Variants in GPC5 observed in about 807,000 individuals in gnomAD.
The protein encoded by GPC5 is glypican 5, also known as glypican-5.
A neutral mutation model predicts 53.9 loss-of-function variants in GPC5; 47 were observed. The ratio of observed to expected loss-of-function variants is 0.87; its 90% confidence interval spans 0.69 to 1.11. The LOEUF (loss-of-function observed/expected upper bound fraction) is 1.11, where lower values mean the gene tolerates loss of function less well. Ranked by LOEUF, GPC5 falls within the 50% of genes most tolerant of loss-of-function variation. GPC5 has a pLI of 0.00. For missense variants in GPC5, 748 were observed against 713.1 expected (o/e 1.05, Z -0.56); for synonymous variants, 286 against 263.3 (o/e 1.09, Z -0.84).
At chr13:91,411,997 T>C (rs961819081) in intron 1 of GPC5, among the ~76,000 whole-genome samples, 5 of 152,362 alleles carry the variant, frequency 3.3e-5, no homozygotes, top group African/African-American at 1.2e-4. Context: ...TTCTGTTAAA[T>C]GTTCCTTTCC....
At chr13:91,992,915 A>C (rs140254705) in intron 6 of GPC5, among the ~76,000 whole-genome samples, 53 of 152,334 alleles carry the variant, frequency 3.5e-4, no homozygotes, top group Admixed American at 1.6e-3. Flanking sequence ...TCACATGAAA[A>C]GGAAAAGTTA....
chr13:92,205,794 C>G (rs2042329646), intron 7 of GPC5, among the ~76,000 whole-genome samples: 1 of 152,110 alleles, frequency 6.6e-6, no homozygotes, highest in South Asian at 2.1e-4. Context: ...CGCCTGTAAT[C>G]CTAGCACTTT....
At chr13:92,012,398 C>G (rs959828149) in intron 6 of GPC5, among the ~76,000 whole-genome samples, 4 of 152,074 alleles carry the variant, frequency 2.6e-5, no homozygotes, top group Admixed American at 1.3e-4. Flanking sequence ...TTACTTTTAA[C>G]TTAATTGTTT....
chr13:92,704,658 AAGG>A (rs1887880033), intron 7 of GPC5, among the ~76,000 whole-genome samples: 1 of 151,932 alleles, frequency 6.6e-6, no homozygotes, highest in African/African-American at 2.4e-5. Context: ...TTTAAGAAAA[AAGG>A]AGGAAATCCA....
chr13:92,565,241 G>A (rs529688406), intron 7 of GPC5, among the ~76,000 whole-genome samples: 80 of 152,120 alleles, frequency 5.3e-4, no homozygotes, highest in African/African-American at 1.9e-3. Context: ...TTTCCAAAAT[G>A]GGTTATATAT....
At chr13:92,393,608 C>T (rs899696940) in intron 7 of GPC5, among the ~76,000 whole-genome samples, 2 of 152,142 alleles carry the variant, frequency 1.3e-5, no homozygotes, top group East Asian at 1.9e-4. Context: ...GAGATCGCAC[C>T]ATTGCACTGC....
At chr13:91,856,170 A>G (rs1432637177) in intron 5 of GPC5, among the ~76,000 whole-genome samples, 1 of 151,428 alleles carries the variant, frequency 6.6e-6, no homozygotes, top group Admixed American at 6.6e-5. Context: ...CATTGTTTTC[A>G]TTGCTAAGTA....
chr13:92,123,984 C>G (rs2138949938), intron 6 of GPC5, among the ~76,000 whole-genome samples: 1 of 152,072 alleles, frequency 6.6e-6, no homozygotes, highest in Non-Finnish European at 1.5e-5. Context: ...GAAAAGTCCT[C>G]AAAATTTAGG....
At chr13:92,001,466 T>C (rs1423520111) in intron 6 of GPC5, among the ~76,000 whole-genome samples, 1 of 152,200 alleles carries the variant, frequency 6.6e-6, no homozygotes, top group East Asian at 1.9e-4. Context: ...ACTATTGTTC[T>C]TACTTTTCCA....
chr13:92,170,960 A>T (rs1253272122), intron 7 of GPC5, among the ~76,000 whole-genome samples: 1 of 152,200 alleles, frequency 6.6e-6, no homozygotes, highest in Non-Finnish European at 1.5e-5. Flanking sequence ...TTTTAAGATT[A>T]TGGGACTTAA....
At chr13:91,945,620 C>G (rs1246433694) in intron 6 of GPC5, among the ~76,000 whole-genome samples, 1 of 152,162 alleles carries the variant, frequency 6.6e-6, no homozygotes, top group Non-Finnish European at 1.5e-5. Context: ...GCAGGACTTT[C>G]CTCTAGGACG....
intron 7 of GPC5, among the ~76,000 whole-genome samples, chr13:92,485,787 C>T (rs1879531505): frequency 6.6e-6 from 1 of 152,092 alleles, no homozygotes; most frequent in Non-Finnish European, 1.5e-5. Flanking sequence ...ACCAGCCTGG[C>T]TAACATGGTG....
At chr13:91,923,746 A>C (rs1400325827) in intron 6 of GPC5, among the ~76,000 whole-genome samples, 1 of 152,166 alleles carries the variant, frequency 6.6e-6, no homozygotes, top group Non-Finnish European at 1.5e-5. Context: ...TCATTTTTAA[A>C]TTATATATCT....
chr13:92,723,055 A>G (rs1201592699), intron 7 of GPC5, among the ~76,000 whole-genome samples: 1 of 151,780 alleles, frequency 6.6e-6, no homozygotes, highest in Admixed American at 6.6e-5. Context: ...AATCCCACTC[A>G]TTAACATTTG....
At chr13:91,884,284 A>G (rs950223070) in intron 5 of GPC5, among the ~76,000 whole-genome samples, 2 of 152,216 alleles carry the variant, frequency 1.3e-5, no homozygotes, top group Admixed American at 6.5e-5. Context: ...GTTCTGTCAT[A>G]AAGAAACATG....
At chr13:92,089,684 A>AT (rs1413074965) in intron 6 of GPC5, among the ~76,000 whole-genome samples, 1 of 152,102 alleles carries the variant, frequency 6.6e-6, no homozygotes, top group African/African-American at 2.4e-5. Flanking sequence ...CAATTTAATC[A>AT]TTTTTTCAGG....
chr13:92,561,054 C>T (rs1396608427), intron 7 of GPC5, among the ~76,000 whole-genome samples: 1 of 151,872 alleles, frequency 6.6e-6, no homozygotes, highest in African/African-American at 2.4e-5. Flanking sequence ...ATTTGGACCA[C>T]ATTTGTGGAA....
intron 7 of GPC5, among the ~76,000 whole-genome samples, chr13:92,664,292 T>G (rs1886495623): frequency 6.6e-6 from 1 of 151,848 alleles, no homozygotes. Context: ...AGTTGGTGAT[T>G]GATTGGGTCT....
intron 7 of GPC5, among the ~76,000 whole-genome samples, chr13:92,529,075 C>T (rs1425291315): frequency 6.6e-6 from 1 of 151,998 alleles, no homozygotes; most frequent in Non-Finnish European, 1.5e-5. Flanking sequence ...TAAGGTAGAA[C>T]ATTTAAGACT....
Sources: allele counts gnomAD v4.1 joint callset (sites outside exome capture counted in the v4.1 genomes callset), GRCh38; gene constraint gnomAD v4.1.1; transcripts MANE v1.5; gene names NCBI Gene and HGNC (gene_info 2026-07-23, HGNC 2026-07-21).